Variants in ATP2B2 observed in about 807,000 individuals in gnomAD.
ATP2B2 encodes the protein ATPase plasma membrane Ca2+ transporting 2.
In ATP2B2, 15 loss-of-function variants were observed where a neutral mutation model predicts 120.0. The ratio of observed to expected loss-of-function variants is 0.12; its 90% CI spans 0.08 to 0.19. The LOEUF is 0.19. ATP2B2 is among the 10% of genes least tolerant of loss of function. ATP2B2 has a pLI of 1.00. For missense variants in ATP2B2, 1,045 were observed against 1,719.8 expected (o/e 0.61, Z 6.94); for synonymous variants, 694 against 700.3 (o/e 0.99, Z 0.14).
intron 15 of ATP2B2, 22 bp from the exon 16 acceptor site, chr3:10,350,221 G>T: frequency 6.3e-7 from 1 of 1,599,698 alleles, no homozygotes; most frequent in South Asian, 1.1e-5. Flanking sequence ...TGGGGAAGGG[G>T]GCGGGTCGGT....
intron 1 of ATP2B2, among the ~76,000 whole-genome samples, chr3:10,643,207 T>C (rs2070222386): frequency 6.6e-6 from 1 of 152,060 alleles, no homozygotes. Context: ...TAACTATAAG[T>C]CTCTGGGGAA....
chr3:10,471,364 CTGTGTGTGTGTG>C (rs58583936), intron 1 of ATP2B2, among the ~76,000 whole-genome samples: 50,488 of 150,262 alleles, frequency 0.34, 10,743 homozygotes, highest in African/African-American at 0.61. Context: ...TTCAGGAAAC[CTGTGTGTGTGTG>C]TGTGTGTGTG....
intron 1 of ATP2B2, among the ~76,000 whole-genome samples, chr3:10,473,639 A>G (rs988357502): frequency 6.6e-6 from 1 of 152,194 alleles, no homozygotes; most frequent in East Asian, 1.9e-4. Context: ...ACACAAAAAA[A>G]GTGCTATGAA....
At chr3:10,559,082 G>C (rs1379851798) in intron 2 of ATP2B2, among the ~76,000 whole-genome samples, 1 of 152,156 alleles carries the variant, frequency 6.6e-6, no homozygotes, top group Non-Finnish European at 1.5e-5. Flanking sequence ...GCTGATCCAG[G>C]CTCCTCAGTT....
chr3:10,519,364 G>T (rs2066937414), intron 3 of ATP2B2, among the ~76,000 whole-genome samples: 1 of 152,218 alleles, frequency 6.6e-6, no homozygotes, highest in African/African-American at 2.4e-5. Flanking sequence ...AATGTGCAAT[G>T]TCCGGGCCTT....
intron 1 of ATP2B2, among the ~76,000 whole-genome samples, chr3:10,484,877 G>T (rs1338874512): frequency 6.6e-6 from 1 of 152,262 alleles, no homozygotes; most frequent in Non-Finnish European, 1.5e-5. Context: ...CGTCTGCGCA[G>T]ATTCCTTCAC....
At position 10,346,820 on chromosome 3, in the gene ATP2B2, G is replaced by A. The variant is rs1473641939; in HGVS notation, c.2405-683C>T. ...TGCGAGCAGGGATGTCCATGGGCAC[G>A]ACAGGAATTTGGGTATCAGCATCCA... On this transcript the variant is annotated intron_variant, in intron 16 of 22. Coordinates refer to ENST00000360273, the MANE Select transcript of ATP2B2 (RefSeq NM_001001331.4). This position sits in a 1 kb window ranked among gnomAD's most constrained non-coding sequence, Gnocchi z 4.1. 1.3e-5 allele frequency among the ~76,000 whole-genome samples: 2 copies of A among 152,176 alleles called. No homozygotes were observed. The highest frequency in any genetic ancestry group is 2.9e-5 in the Non-Finnish European group (2 of 68,034).
chr3:10,561,919 TCA>T, intron 2 of ATP2B2, among the ~76,000 whole-genome samples: 1 of 152,310 alleles, frequency 6.6e-6, no homozygotes, highest in East Asian at 1.9e-4. Flanking sequence ...AGCTAGCAAA[TCA>T]CAGTCAGGAT....
chr3:10,651,437 T>A (rs2070458831), intron 1 of ATP2B2, among the ~76,000 whole-genome samples: 2 of 152,244 alleles, frequency 1.3e-5, no homozygotes, highest in African/African-American at 4.8e-5. Flanking sequence ...GTTCCCTGCA[T>A]AAGCTCTCTT....
In ATP2B2 at chr3:10,449,765, G is replaced by T. The variant is rs1288415261; in HGVS notation, c.-222C>A. On this transcript the variant is annotated 5_prime_UTR_variant, in exon 2 of 23. Transcript: ENST00000360273. The stretch of plus-strand genomic sequence containing the variant: ...CTCCGGTGTGGGACGAGGTCCAGGG[G>T]CCGGAGGGGCTCAGGGCTGTAGACC... 8.0e-6 allele frequency: 5 copies of T among 622,514 alleles called. No homozygotes were observed. In the Admixed American group the frequency reaches 1.2e-4, roughly 15 times the overall value. The allele number at this position is 622,514 out of a possible 1,614,324, so 38.6% of individuals were successfully genotyped here.
At chr3:10,441,208 C>G (rs946907307) in intron 2 of ATP2B2, among the ~76,000 whole-genome samples, 4 of 152,192 alleles carry the variant, frequency 2.6e-5, no homozygotes, top group Admixed American at 2.0e-4. Flanking sequence ...TGGCTGCCAT[C>G]TTTCCTATTG....
intron 2 of ATP2B2, among the ~76,000 whole-genome samples, chr3:10,571,316 G>C (rs1056071365): frequency 6.6e-6 from 1 of 152,246 alleles, no homozygotes; most frequent in African/African-American, 2.4e-5. Flanking sequence ...GCCAGGAACA[G>C]AGCCTTCAGC....
chr3:10,615,349 T>C lies in ATP2B2; in HGVS notation c.-415+4568A>G, dbSNP rs574032787. On this transcript the variant is annotated intron_variant, in intron 2 of 21. Coordinates refer to the ATP2B2 transcript ENST00000646379. Reference sequence around the variant, plus strand: ...TGGTGGTGACCTGGATTTTGTGATGTCCCCAGGAGTAGATAGAAGACAATG... The same window carrying C: ...TGGTGGTGACCTGGATTTTGTGATGCCCCCAGGAGTAGATAGAAGACAATG... Among the ~76,000 whole-genome samples the C allele has an allele frequency of 3.3e-5, 5 of 152,098 alleles. No individual in the cohort carries two copies. The East Asian group carries it at 9.7e-4, about 29-fold the overall frequency.
intron 22 of ATP2B2, among the ~76,000 whole-genome samples, chr3:10,333,072 C>T (rs937315948): frequency 2.0e-4 from 30 of 152,274 alleles, no homozygotes; most frequent in African/African-American, 5.5e-4. Flanking sequence ...CTTCATCTTG[C>T]GGTGGTGCCG....
intron 4 of ATP2B2, among the ~76,000 whole-genome samples, chr3:10,401,467 C>T (rs1405407134): frequency 6.6e-6 from 1 of 152,186 alleles, no homozygotes; most frequent in Admixed American, 6.5e-5. Context: ...GTTTAGAAGA[C>T]CGCAACCAAG....
intron 2 of ATP2B2, among the ~76,000 whole-genome samples, chr3:10,609,884 G>T (rs2069182369): frequency 6.6e-6 from 1 of 152,020 alleles, no homozygotes. Context: ...TTCAAGGACT[G>T]CAGCTCCCTC....
intron 3 of ATP2B2, among the ~76,000 whole-genome samples, chr3:10,409,163 G>A (rs2062519817): frequency 6.6e-6 from 1 of 152,154 alleles, no homozygotes; most frequent in South Asian, 2.1e-4. Flanking sequence ...GCTTATTCAA[G>A]TCGTCATGTA....
At chr3:10,676,541 C>T (rs2071249352) in intron 1 of ATP2B2, among the ~76,000 whole-genome samples, 1 of 152,120 alleles carries the variant, frequency 6.6e-6, no homozygotes, top group African/African-American at 2.4e-5. Context: ...CACACACACA[C>T]ACACCCTTGA....
chr3:10,346,280 C>G lies in ATP2B2; in HGVS notation c.2405-143G>C. Reference sequence around the variant, plus strand: ...GCCGCCCCCTCCATCCAGGCTCTTCCCAGCTCCAGGCTGGCCTATAGCTGC... The same window carrying G: ...GCCGCCCCCTCCATCCAGGCTCTTCGCAGCTCCAGGCTGGCCTATAGCTGC... On this transcript the variant is annotated intron_variant, in intron 16 of 22. Transcript: ENST00000360273. This position sits in a 1 kb window ranked among gnomAD's most constrained non-coding sequence, Gnocchi z 4.1. 4 of 817,456 alleles carry G rather than the reference C, an allele frequency of 4.9e-6. No homozygotes were observed. Among genetic ancestry groups the G allele is most frequent in the Non-Finnish European group, 8.0e-6 (4 of 498,606 alleles). 50.6% of individuals were successfully genotyped at this position (817,456 alleles called of 1,614,324 possible).
Sources: allele counts gnomAD v4.1 joint callset (sites outside exome capture counted in the v4.1 genomes callset), GRCh38; gene constraint gnomAD v4.1.1; non-coding constraint Gnocchi (gnomAD v3.1); transcripts MANE v1.5; gene names NCBI Gene and HGNC (gene_info 2026-07-23, HGNC 2026-07-21).